The following PARD3B variants were observed in gnomAD, a reference collection of about 807,000 sequenced individuals.
PARD3B encodes partitioning defective 3 homolog B.
A neutral mutation model predicts 130.2 loss-of-function variants in PARD3B; 103 were observed. That is an observed-to-expected ratio of 0.79 (90% CI 0.67 to 0.93). The LOEUF (loss-of-function observed/expected upper bound fraction) is 0.93, where lower values mean the gene tolerates loss of function less well. Ranked by LOEUF, PARD3B falls within the 40% of genes least tolerant of loss-of-function variation. The pLI is 0.00. For missense variants in PARD3B, 1,609 were observed against 1,499.2 expected, an observed-to-expected ratio of 1.07 and a Z score of -1.21; for synonymous variants, 583 against 553.2, an observed-to-expected ratio of 1.05 and a Z score of -0.76.
chr2:205,490,757 A>G (rs1294409355), intron 20 of PARD3B, among the ~76,000 whole-genome samples: 1 of 152,180 alleles, frequency 6.6e-6, no homozygotes, highest in Admixed American at 6.5e-5. Flanking sequence ...ATTTCTCCAC[A>G]TCCTCTCCAG....
At chr2:204,993,789 C>T (rs1429747008) in intron 3 of PARD3B, among the ~76,000 whole-genome samples, 3 of 150,078 alleles carry the variant, frequency 2.0e-5, no homozygotes, top group East Asian at 3.9e-4. Context: ...GATTCAACTT[C>T]TTCCTGGTTT....
In PARD3B at chr2:205,037,535, T is replaced by G. The variant is rs1297993015; in HGVS notation, c.395-10046T>G. 2.7e-5 allele frequency among the ~76,000 whole-genome samples: 4 copies of G among 147,858 alleles called. No homozygotes were observed. The South Asian group carries it at 6.3e-4, about 23-fold the overall frequency. On this transcript the variant is annotated intron_variant, in intron 3 of 22. Transcript: ENST00000406610. Reference sequence around the variant, plus strand: ...ATATATATAAAATATGTATATAGTGTACTATACATATGTAAAATATATACA... The same window carrying G: ...ATATATATAAAATATGTATATAGTGGACTATACATATGTAAAATATATACA...
chr2:205,216,505 T>C (rs1239546158), intron 15 of PARD3B, among the ~76,000 whole-genome samples: 1 of 152,188 alleles, frequency 6.6e-6, no homozygotes, highest in Non-Finnish European at 1.5e-5. Flanking sequence ...GTATTACACA[T>C]ATAATAAAAT....
chr2:205,415,435 G>A (rs1305195917), intron 19 of PARD3B, among the ~76,000 whole-genome samples: 1 of 152,024 alleles, frequency 6.6e-6, no homozygotes. Flanking sequence ...TAATTCTTGA[G>A]GAAACATAAC....
Position 205,590,405 on chromosome 2 carries a change from A to G in PARD3B, c.3261-25051A>G, listed in dbSNP as rs2054343991. On this transcript the variant is annotated intron_variant, in intron 22 of 22. Coordinates refer to ENST00000406610, the MANE Select transcript of PARD3B (RefSeq NM_001302769.2). The surrounding 1 kb of genome is among the most constrained non-coding windows in gnomAD (Gnocchi z 4.1). ...TCCCCCTCTTCTCAGCTACTCCACA[A>G]AAGAGGGATCCTCTCATTTTAACAT... Among the ~76,000 whole-genome samples the G allele has an allele frequency of 6.6e-6, 1 of 152,168 alleles. No individual in the cohort carries two copies. Among genetic ancestry groups the G allele is most frequent in the Non-Finnish European group, 1.5e-5 (1 of 68,026 alleles).
Position 205,352,559 on chromosome 2 carries a change from C to G in PARD3B, c.2631-48454C>G, listed in dbSNP as rs1021005673. Among the ~76,000 whole-genome samples, 14 of 152,158 alleles carry G rather than the reference C, an allele frequency of 9.2e-5. No individual in the cohort carries two copies. Among genetic ancestry groups the G allele is most frequent in the African/African-American group, 3.4e-4 (14 of 41,444 alleles). On this transcript the variant is annotated intron_variant, in intron 18 of 22. Coordinates refer to ENST00000406610, the MANE Select transcript of PARD3B (RefSeq NM_001302769.2). The surrounding 1 kb of genome is among the most constrained non-coding windows in gnomAD (Gnocchi z 5.2). Reference sequence around the variant, plus strand: ...TATTTGCTTTGATTTACATCTATATCACCTTCAATTTAATATTTCACGAGA... The same window carrying G: ...TATTTGCTTTGATTTACATCTATATGACCTTCAATTTAATATTTCACGAGA...
intron 3 of PARD3B, among the ~76,000 whole-genome samples, chr2:204,989,916 A>C (rs1276972988): frequency 6.6e-6 from 1 of 152,124 alleles, no homozygotes; most frequent in East Asian, 1.9e-4. Context: ...TGAACATATA[A>C]CAATTTTCTC....
At chr2:205,378,490 T>C (rs1420404964) in intron 18 of PARD3B, among the ~76,000 whole-genome samples, 2 of 152,182 alleles carry the variant, frequency 1.3e-5, no homozygotes, top group Non-Finnish European at 2.9e-5. Flanking sequence ...CCTGTTTACA[T>C]TCAGAATAGA....
At chr2:205,504,929 A>G (rs2050294312) in intron 21 of PARD3B, among the ~76,000 whole-genome samples, 1 of 152,234 alleles carries the variant, frequency 6.6e-6, no homozygotes, top group African/African-American at 2.4e-5. Context: ...TGCTATAAAG[A>G]CACATGCACG....
chr2:204,749,840 G>A (rs1327883675), intron 2 of PARD3B, among the ~76,000 whole-genome samples: 1 of 152,204 alleles, frequency 6.6e-6, no homozygotes, highest in Non-Finnish European at 1.5e-5. Flanking sequence ...CATACGGCAT[G>A]CTGGTGGCTC....
intron 18 of PARD3B, among the ~76,000 whole-genome samples, chr2:205,344,228 T>TG (rs2043662237): frequency 1.3e-5 from 1 of 74,752 alleles, no homozygotes; most frequent in African/African-American, 4.1e-5. Flanking sequence ...GTGTGTGTGT[T>TG]GTAACACAGA....
chr2:205,474,320 T>A (rs938937609), intron 20 of PARD3B, among the ~76,000 whole-genome samples: 2 of 152,164 alleles, frequency 1.3e-5, no homozygotes, highest in African/African-American at 4.8e-5. Context: ...AGTATTTTCA[T>A]CCAGTGTTTC....
intron 1 of PARD3B, among the ~76,000 whole-genome samples, chr2:204,551,701 G>T (rs2125043233): frequency 6.6e-6 from 1 of 152,292 alleles, no homozygotes; most frequent in Middle Eastern, 3.4e-3. Flanking sequence ...CTGATTTGTA[G>T]CTTGAGGCCC....
chr2:204,773,034 CTT>C (rs1483981465), intron 2 of PARD3B, among the ~76,000 whole-genome samples: 21 of 151,920 alleles, frequency 1.4e-4, no homozygotes, highest in African/African-American at 4.3e-4. Flanking sequence ...TAATTTCCCT[CTT>C]ATATCTGGGA....
At chr2:205,272,856 C>A (rs926355431) in intron 16 of PARD3B, among the ~76,000 whole-genome samples, 1 of 152,196 alleles carries the variant, frequency 6.6e-6, no homozygotes, top group African/African-American at 2.4e-5. Flanking sequence ...AAACAAAAAA[C>A]CGCATGAATA....
At chr2:205,354,902 T>C (rs2044137033) in intron 18 of PARD3B, among the ~76,000 whole-genome samples, 1 of 152,192 alleles carries the variant, frequency 6.6e-6, no homozygotes, top group Non-Finnish European at 1.5e-5. Flanking sequence ...GTGACAACTT[T>C]AAAACAAATC....
rs7561237 is a variant in PARD3B at position 204,914,026 on chromosome 2, T to A, written c.223-51126T>A. On this transcript the variant is annotated intron_variant, in intron 2 of 22. Coordinates refer to ENST00000406610, the MANE Select transcript of PARD3B (RefSeq NM_001302769.2). Reference sequence around the variant, plus strand: ...CAGTTGTTTCTGTTGATGGTAGTGATGAGACAGCTAAGTAAAAAGGGCTCC... The same window carrying A: ...CAGTTGTTTCTGTTGATGGTAGTGAAGAGACAGCTAAGTAAAAAGGGCTCC... 3.1e-3 allele frequency among the ~76,000 whole-genome samples: 474 copies of A among 152,272 alleles called. 2 individuals are homozygous for A. Among genetic ancestry groups the A allele is most frequent in the African/African-American group, 0.011 (460 of 41,560 alleles).
chr2:204,716,042 A>T (rs1326311940), intron 2 of PARD3B, among the ~76,000 whole-genome samples: 1 of 152,224 alleles, frequency 6.6e-6, no homozygotes, highest in Admixed American at 6.5e-5. Context: ...TGTTATTTGA[A>T]CAGTACTCAG....
chr2:204,586,737 C>T (rs1015482049), intron 1 of PARD3B, among the ~76,000 whole-genome samples: 2 of 152,136 alleles, frequency 1.3e-5, no homozygotes, highest in African/African-American at 4.8e-5. Context: ...ACCTATTATC[C>T]TTTAGTTAAT....
Sources: gnomAD v4.1 joint callset for allele counts (sites outside exome capture counted in the v4.1 genomes callset) on GRCh38, gnomAD v4.1.1 for gene constraint, Gnocchi (gnomAD v3.1) non-coding constraint, MANE v1.5 for transcripts, NCBI Gene and HGNC (gene_info 2026-07-23, HGNC 2026-07-21) for gene names.